Variants in HEMK2 observed in about 807,000 individuals in gnomAD.
The protein encoded by HEMK2 is methyltransferase HEMK2.
At chr21:28,805,638 A>G in the HEMK2 span, among the ~76,000 whole-genome samples, 2 of 152,180 alleles carry the variant, frequency 1.3e-5, no homozygotes, top group Non-Finnish European at 2.9e-5. Flanking sequence ...ATGCTTCTGT[A>G]CGACTTTACA....
chr21:28,797,326 TG>T, the HEMK2 span, among the ~76,000 whole-genome samples: 1 of 151,902 alleles, frequency 6.6e-6, no homozygotes, highest in Non-Finnish European at 1.5e-5. Flanking sequence ...CCGGAACCAG[TG>T]GCCCATGCCT....
At chr21:28,691,935 C>T in the HEMK2 span, among the ~76,000 whole-genome samples, 7 of 152,142 alleles carry the variant, frequency 4.6e-5, no homozygotes, top group Admixed American at 2.0e-4. Flanking sequence ...TGTTTATTGG[C>T]TCTCTCCAAA....
At chr21:28,650,238 T>C in the HEMK2 span, among the ~76,000 whole-genome samples, 24,418 of 151,922 alleles carry the variant, frequency 0.16, 2,264 homozygotes, top group East Asian at 0.32. Context: ...CTACTAAAAA[T>C]ACAAAAATTA....
chr21:28,800,791 T>C, the HEMK2 span, among the ~76,000 whole-genome samples: 3 of 152,196 alleles, frequency 2.0e-5, no homozygotes, highest in Non-Finnish European at 4.4e-5. Flanking sequence ...AAAAGGCCAA[T>C]TTTCATTGAT....
At chr21:28,856,057 T>C in the HEMK2 span, among the ~76,000 whole-genome samples, 1 of 149,548 alleles carries the variant, frequency 6.7e-6, no homozygotes, top group Admixed American at 6.8e-5. Flanking sequence ...AGAATTATTC[T>C]CTATATTCCT....
chr21:28,595,291 C>A, the HEMK2 span, among the ~76,000 whole-genome samples: 1 of 152,014 alleles, frequency 6.6e-6, no homozygotes, highest in Non-Finnish European at 1.5e-5. Context: ...AGTTTTGTAC[C>A]CATTAACCGC....
chr21:28,844,058 G>A, the HEMK2 span, among the ~76,000 whole-genome samples: 1 of 152,016 alleles, frequency 6.6e-6, no homozygotes, highest in Non-Finnish European at 1.5e-5. Flanking sequence ...CTTCCAATAT[G>A]TGAAGCAATA....
chr21:28,836,808 G>A, the HEMK2 span, among the ~76,000 whole-genome samples: 4 of 137,692 alleles, frequency 2.9e-5, no homozygotes, highest in Middle Eastern at 3.5e-3. Flanking sequence ...AAGTAAAGCG[G>A]TTAAAAAAAA....
the HEMK2 span, among the ~76,000 whole-genome samples, chr21:28,663,568 G>T: frequency 2.6e-5 from 4 of 152,324 alleles, 1 homozygote; most frequent in South Asian, 8.3e-4. Context: ...CCATCACATG[G>T]CCCATCGGCA....
At chr21:28,789,442 G>T in the HEMK2 span, among the ~76,000 whole-genome samples, 1 of 152,120 alleles carries the variant, frequency 6.6e-6, no homozygotes, top group East Asian at 1.9e-4. Context: ...AGGCCTAAGG[G>T]GCATGGGAGA....
At chr21:28,592,927 A>G in the HEMK2 span, among the ~76,000 whole-genome samples, 3 of 152,244 alleles carry the variant, frequency 2.0e-5, no homozygotes, top group Non-Finnish European at 2.9e-5. Flanking sequence ...GTCAGGAATT[A>G]TGGTGATGCC....
the HEMK2 span, among the ~76,000 whole-genome samples, chr21:28,696,501 C>A: frequency 6.6e-6 from 1 of 152,220 alleles, no homozygotes; most frequent in African/African-American, 2.4e-5. Flanking sequence ...TGTGGCTTTG[C>A]AGGGTATAGC....
At chr21:28,842,533 T>C in the HEMK2 span, among the ~76,000 whole-genome samples, 7 of 152,172 alleles carry the variant, frequency 4.6e-5, no homozygotes, top group African/African-American at 1.4e-4. Context: ...TGATGACTCG[T>C]AGAGGGTAGA....
At chr21:28,680,016 C>G in the HEMK2 span, among the ~76,000 whole-genome samples, 2 of 152,096 alleles carry the variant, frequency 1.3e-5, no homozygotes, top group African/African-American at 4.8e-5. Context: ...CAAACACATT[C>G]AAAAGCTAGC....
chr21:28,861,653 T>C, the HEMK2 span, among the ~76,000 whole-genome samples: 1 of 152,174 alleles, frequency 6.6e-6, no homozygotes, highest in Admixed American at 6.5e-5. Context: ...AGCAGCTGTA[T>C]TGATAGAATG....
the HEMK2 span, among the ~76,000 whole-genome samples, chr21:28,677,405 C>T: frequency 6.6e-6 from 1 of 152,174 alleles, no homozygotes; most frequent in Non-Finnish European, 1.5e-5. Flanking sequence ...CTGGGAAGCT[C>T]GAACTGGGTG....
the HEMK2 span, among the ~76,000 whole-genome samples, chr21:28,700,518 A>G: frequency 6.6e-6 from 1 of 152,210 alleles, no homozygotes; most frequent in Non-Finnish European, 1.5e-5. Flanking sequence ...TACTATGAAC[A>G]CTGCTATGCA....
chr21:28,840,140 T>C, the HEMK2 span, among the ~76,000 whole-genome samples: 334 of 152,274 alleles, frequency 2.2e-3, 1 homozygote, highest in African/African-American at 7.6e-3. Context: ...CAACAAATGG[T>C]GCTGGGATAA....
the HEMK2 span, among the ~76,000 whole-genome samples, chr21:28,606,871 C>A: frequency 6.6e-6 from 1 of 152,182 alleles, no homozygotes; most frequent in East Asian, 1.9e-4. Context: ...AAATTGCTAT[C>A]TTAACCTATT....
Sources: allele counts gnomAD v4.1 joint callset (sites outside exome capture counted in the v4.1 genomes callset), GRCh38; gene constraint gnomAD v4.1.1; transcripts MANE v1.5; gene names NCBI Gene and HGNC (gene_info 2026-07-23, HGNC 2026-07-21).